WDR49: variants seen among roughly 807,000 people sequenced by gnomAD.
WDR49 encodes WD repeat domain 49, also known as cilia- and flagella-associated protein 337.
A neutral mutation model predicts 119.5 loss-of-function variants in WDR49; 107 were observed. The observed-to-expected ratio is 0.90, with a 90% CI of 0.77 to 1.05. The LOEUF is 1.05. Among genes scored for constraint, WDR49 ranks in the 50% least tolerant of loss-of-function variants. The probability of loss-of-function intolerance (pLI) is 0.00; values close to 1 mark genes in which losing one functional copy is unlikely to be tolerated. For missense variants in WDR49, 1,240 were observed against 1,220.5 expected (o/e 1.02, Z -0.24); for synonymous variants, 425 against 418.8 (o/e 1.01, Z -0.18).
intron 2 of WDR49, among the ~76,000 whole-genome samples, chr3:167,631,683 T>C (rs985258885): frequency 2.0e-5 from 3 of 151,850 alleles, no homozygotes; most frequent in African/African-American, 7.3e-5. Flanking sequence ...AGCACTAGAG[T>C]CAGCATATTG....
At chr3:167,641,185 C>G (rs60924237) in intron 2 of WDR49, among the ~76,000 whole-genome samples, 1,825 of 151,910 alleles carry the variant, frequency 0.012, 38 homozygotes, top group African/African-American at 0.041. Flanking sequence ...CCAATGATTC[C>G]ATATCTCCAA....
chr3:167,478,836 A>G lies in WDR49; in HGVS notation c.*42T>C, dbSNP rs1257091118. On this transcript the variant is annotated 3_prime_UTR_variant, in exon 19 of 19. Transcript: ENST00000682715. ...ATTCTTGATGCTTTTTCTGCATTTT[A>G]TATCTGTACCTTATGTAACAGTGAA... is the stretch of plus-strand genomic sequence containing the variant. 3.7e-6 allele frequency: 5 copies of G among 1,342,844 alleles called. No individual in the cohort carries two copies. The highest frequency in any genetic ancestry group is 3.0e-5 in the African/African-American group (2 of 67,356). The allele number at this position is 1,342,844 out of a possible 1,614,324, so 83.2% of individuals were successfully genotyped here. A position where few individuals can be genotyped will look rare whatever the true frequency, so the allele number is the denominator to read the frequency against.
intron 4 of WDR49, 88 bp from the exon 5 acceptor site, chr3:167,620,691 G>A: frequency 8.1e-7 from 1 of 1,227,038 alleles, no homozygotes; most frequent in Non-Finnish European, 1.1e-6. Flanking sequence ...ATAAGGAATA[G>A]CTATTAACTT....
intron 5 of WDR49, among the ~76,000 whole-genome samples, chr3:167,618,171 C>T (rs1716693269): frequency 6.6e-6 from 1 of 152,122 alleles, no homozygotes; most frequent in African/African-American, 2.4e-5. Context: ...CACCACTGAT[C>T]CTTAAAGCTT....
chr3:167,568,731 G>A (rs917589852), intron 8 of WDR49, among the ~76,000 whole-genome samples: 2 of 152,074 alleles, frequency 1.3e-5, no homozygotes, highest in African/African-American at 4.8e-5. Flanking sequence ...ATTATTCAAA[G>A]TTTATGGTAC....
At chr3:167,593,926 C>T (rs926937696) in intron 7 of WDR49, among the ~76,000 whole-genome samples, 1 of 152,174 alleles carries the variant, frequency 6.6e-6, no homozygotes, top group Non-Finnish European at 1.5e-5. Flanking sequence ...GTTCCCCTCT[C>T]TCGTTCTGCC....
At chr3:167,624,071 A>G (rs1279422661) in intron 3 of WDR49, among the ~76,000 whole-genome samples, 5 of 151,982 alleles carry the variant, frequency 3.3e-5, no homozygotes, top group African/African-American at 9.7e-5. Flanking sequence ...ATGGGAAAAG[A>G]TTTGGATAGA....
intron 2 of WDR49, among the ~76,000 whole-genome samples, chr3:167,652,652 G>A (rs1351481027): frequency 6.6e-6 from 1 of 152,066 alleles, no homozygotes; most frequent in East Asian, 1.9e-4. Context: ...AAATTCCTAT[G>A]GTTTATTTTT....
rs530006074 is a variant in WDR49, at chr3:167,608,162, G to C, written c.959-3694C>G. Among the ~76,000 whole-genome samples the C allele has an allele frequency of 5.9e-5, 9 of 152,256 alleles. No individual in the cohort carries two copies. The East Asian group carries it at 1.5e-3, about 26-fold the overall frequency. On this transcript the variant is annotated intron_variant, in intron 5 of 18. Coordinates refer to ENST00000682715, the MANE Select transcript of WDR49 (RefSeq NM_001366157.1). The stretch of plus-strand genomic sequence containing the variant: ...GATGGCAATGATTCTCATTCAGGAA[G>C]CAGCCTCACTGAAAATATTCTCTTT...
intron 5 of WDR49, among the ~76,000 whole-genome samples, chr3:167,616,899 C>T (rs1436195629): frequency 1.3e-5 from 2 of 152,086 alleles, no homozygotes; most frequent in African/African-American, 4.8e-5. Flanking sequence ...ATAGTGCTTG[C>T]CCCAAGAAGG....
intron 7 of WDR49, among the ~76,000 whole-genome samples, chr3:167,594,380 A>T (rs1054041506): frequency 9.9e-5 from 15 of 152,186 alleles, no homozygotes; most frequent in Admixed American, 3.3e-4. Context: ...CAAACTTCCT[A>T]TTCTTTACCA....
At chr3:167,511,248 A>C (rs1379568407) in intron 16 of WDR49, among the ~76,000 whole-genome samples, 1 of 152,102 alleles carries the variant, frequency 6.6e-6, no homozygotes, top group Non-Finnish European at 1.5e-5. Context: ...ATTTTTCTAT[A>C]CTATCTCATT....
intron 16 of WDR49, among the ~76,000 whole-genome samples, chr3:167,516,256 C>G (rs543058715): frequency 6.8e-5 from 9 of 132,772 alleles, no homozygotes; most frequent in Non-Finnish European, 6.4e-5. Flanking sequence ...ACCCTCCCCC[C>G]ACCCCACAAC....
chr3:167,590,907 C>A (rs987461171), intron 7 of WDR49, among the ~76,000 whole-genome samples: 3 of 150,664 alleles, frequency 2.0e-5, no homozygotes, highest in Admixed American at 6.6e-5. Flanking sequence ...TGTATTCTTT[C>A]TTCATTTCAA....
At chr3:167,480,192 T>A (rs146309833) in intron 18 of WDR49, among the ~76,000 whole-genome samples, 20 of 133,626 alleles carry the variant, frequency 1.5e-4, no homozygotes, top group Non-Finnish European at 2.3e-4. Context: ...GAGTTTGCAG[T>A]GAGCCGAGAT....
intron 18 of WDR49, among the ~76,000 whole-genome samples, chr3:167,491,816 G>A (rs1751144200): frequency 1.3e-5 from 2 of 152,096 alleles, no homozygotes; most frequent in South Asian, 4.1e-4. Flanking sequence ...CCAACTGGGA[G>A]CAACTTGAAA....
intron 2 of WDR49, among the ~76,000 whole-genome samples, chr3:167,632,752 C>T (rs1717429141): frequency 6.6e-6 from 1 of 151,994 alleles, no homozygotes; most frequent in South Asian, 2.1e-4. Flanking sequence ...GTGACTCCCA[C>T]CCTCTGGAAC....
chr3:167,522,496 G>A lies in WDR49; in HGVS notation c.2605-12C>T, dbSNP rs369670642. On this transcript the variant is annotated splice_polypyrimidine_tract_variant and intron_variant, in intron 15 of 18. Coordinates refer to ENST00000682715, the MANE Select transcript of WDR49 (RefSeq NM_001366157.1). ...TGCCAGTGCTTTGCCTGAAAAAAAC[G>A]AAAACATCTGTTTTATTTTTATGAA... is the stretch of plus-strand genomic sequence containing the variant. The A allele has an allele frequency of 2.8e-5, 44 of 1,583,628 alleles. No homozygotes were observed. The highest frequency in any genetic ancestry group is 2.2e-4 in the Admixed American group (11 of 50,156).
intron 18 of WDR49, among the ~76,000 whole-genome samples, chr3:167,486,973 T>G (rs959994700): frequency 2.6e-5 from 4 of 152,026 alleles, no homozygotes; most frequent in Non-Finnish European, 5.9e-5. Flanking sequence ...ATCAACCACA[T>G]GCTTTCTCAC....
Sources: gnomAD v4.1 joint callset for allele counts (sites outside exome capture counted in the v4.1 genomes callset) on GRCh38, gnomAD v4.1.1 for gene constraint, MANE v1.5 for transcripts, NCBI Gene and HGNC (gene_info 2026-07-23, HGNC 2026-07-21) for gene names.